RASGRP2: variants seen among roughly 807,000 people sequenced by gnomAD.
RASGRP2 encodes RAS guanyl-releasing protein 2.
Under a neutral mutation model 71.0 loss-of-function variants are expected in RASGRP2, and 44 were observed. That is an observed-to-expected ratio of 0.62 (90% CI 0.49 to 0.80). The LOEUF (loss-of-function observed/expected upper bound fraction) is 0.80, where lower values mean the gene tolerates loss of function less well. Ranked by LOEUF, RASGRP2 falls within the 30% of genes least tolerant of loss-of-function variation. RASGRP2 has a pLI of 0.00. For missense variants in RASGRP2, 663 were observed against 813.4 expected, an observed-to-expected ratio of 0.82 and a Z score of 2.25; for synonymous variants, 350 against 330.7, an observed-to-expected ratio of 1.06 and a Z score of -0.63.
chr11:64,730,101 C>G lies in RASGRP2; in HGVS notation c.1506G>C (p.Gln502His). 1 of 1,550,802 alleles carries G rather than the reference C, an allele frequency of 6.4e-7. No homozygotes were observed. The highest frequency in any genetic ancestry group is 1.2e-5 in the South Asian group (1 of 84,062). Residue 502 changes from glutamine to histidine, a missense_variant, in exon 13 of 17, where the codon CAG (glutamine) becomes CAC (histidine). By Grantham distance (24) the Gln-to-His change is conservative. Transcript: ENST00000394432. ...GGRMGFVHNFQESNSLRPVAC... is the reference protein window; with the variant it reads ...GGRMGFVHNFHESNSLRPVAC... ...CGACGGGGCGCAAGGAGTTGCTCTC[C>G]TGGAAGTTGTGTACGAAGCCCATGC... is the stretch of plus-strand genomic sequence containing the variant.
chr11:64,742,732 AG>A lies in RASGRP2; in HGVS notation c.73+61del. 6.4e-7 allele frequency: 1 copy of A among 1,557,690 alleles called. No individual in the cohort carries two copies. Among genetic ancestry groups the A allele is most frequent in the Non-Finnish European group, 8.7e-7 (1 of 1,150,836 alleles). The stretch of plus-strand genomic sequence containing the variant: ...GTGCCCTGGACTGTGCCTGGGAGGC[AG>A]GGACCCGGGCTCAGACTCGGGGCTA... On this transcript the variant is annotated intron_variant, in intron 2 of 16. Transcript: ENST00000394432. The surrounding 1 kb of genome is among the most constrained non-coding windows in gnomAD (Gnocchi z 4.7).
Position 64,735,138 on chromosome 11 carries a change from G to T in RASGRP2, c.1386C>A (p.Ser462Arg). 1.2e-6 allele frequency: 2 copies of T among 1,614,124 alleles called. No homozygotes were observed. Among genetic ancestry groups the T allele is most frequent in the Non-Finnish European group, 1.7e-6 (2 of 1,179,968 alleles). The change falls in exon 12 of 17, where the codon AGC becomes AGA. Residue 462 changes from serine (S) to arginine (R), a missense_variant. Physicochemically the swap from Ser to Arg is moderately radical, Grantham distance 110. Coordinates refer to ENST00000394432, the MANE Select transcript of RASGRP2 (RefSeq NM_001098671.2). This position sits in a 1 kb window ranked among gnomAD's most constrained non-coding sequence, Gnocchi z 4.2. ...GGTTCTGGTCGAGGTCCCCAAAGGC[G>T]CTGAGGTAAGGGAAGTTCCCACGGA... ...QIIRGNFPYL[S>R]AFGDLDQNQD...
At position 64,739,307 on chromosome 11, in the gene RASGRP2, G is replaced by T; in HGVS notation, c.813+53C>A. On this transcript the variant is annotated intron_variant, in intron 8 of 16. Transcript: ENST00000394432. This position sits in a 1 kb window ranked among gnomAD's most constrained non-coding sequence, Gnocchi z 4.2. Reference sequence around the variant, plus strand: ...GCCCAGCCCCCAGTGCTGCTGGGAGGACCCAGTGAAGACAGACCTGGGAAG... The same window carrying T: ...GCCCAGCCCCCAGTGCTGCTGGGAGTACCCAGTGAAGACAGACCTGGGAAG... 1 of 1,364,902 alleles carries T rather than the reference G, an allele frequency of 7.3e-7. No individual in the cohort carries two copies. The highest frequency in any genetic ancestry group is 1.2e-5 in the South Asian group (1 of 85,890). 84.5% of individuals were successfully genotyped at this position (1,364,902 alleles called of 1,614,324 possible). A position where few individuals can be genotyped will look rare whatever the true frequency, so the allele number is the denominator to read the frequency against.
upstream of RASGRP2, chr11:64,744,458 C>T (rs1290702699): frequency 1.2e-5 from 3 of 260,706 alleles, no homozygotes; most frequent in Non-Finnish European, 1.8e-5. Context: ...AATCACTTGG[C>T]CTCTGGGAGC....
chr11:64,736,227 G>A (rs1349424860), intron 9 of RASGRP2, among the ~76,000 whole-genome samples: 4 of 152,124 alleles, frequency 2.6e-5, no homozygotes, highest in Admixed American at 1.3e-4. Flanking sequence ...AAGCCAGGTC[G>A]GAACCCAGCC....
At chr11:64,736,687 C>T in intron 9 of RASGRP2, 66 bp downstream of exon 9, 2 of 1,523,118 alleles carry the variant, frequency 1.3e-6, no homozygotes, top group Non-Finnish European at 1.8e-6. Context: ...CGCCCACAGC[C>T]AGGACCTGGG....
Position 64,735,271 on chromosome 11 carries a change from TA to T in RASGRP2, c.1297-45del. ...CACGCAGAGCCAGAAGAGGGGAGAGTAAAGGGGACATCAGGTCCTGTCCCTT... is the reference window on the plus strand; with the variant it reads ...CACGCAGAGCCAGAAGAGGGGAGAGTAAGGGGACATCAGGTCCTGTCCCTT... On this transcript the variant is annotated intron_variant, in intron 11 of 16. Coordinates refer to ENST00000394432, the MANE Select transcript of RASGRP2 (RefSeq NM_001098671.2). The surrounding 1 kb of genome is among the most constrained non-coding windows in gnomAD (Gnocchi z 4.2). 1 of 1,492,768 alleles carries T rather than the reference TA, an allele frequency of 6.7e-7. No homozygotes were observed. The highest frequency in any genetic ancestry group is 9.3e-7 in the Non-Finnish European group (1 of 1,071,252). The allele number at this position is 1,492,768 out of a possible 1,614,324, so 92.5% of individuals were successfully genotyped here.
chr11:64,727,446 A>T (rs1295985421), intron 15 of RASGRP2, 86 bp from the exon 16 acceptor site: 1 of 1,267,510 alleles, frequency 7.9e-7, no homozygotes, highest in South Asian at 1.2e-5. Flanking sequence ...AGGCATCCAC[A>T]TCATCCCAGA....
chr11:64,738,064 G>A (rs1207089496), intron 8 of RASGRP2, among the ~76,000 whole-genome samples: 1 of 151,930 alleles, frequency 6.6e-6, no homozygotes, highest in African/African-American at 2.4e-5. Context: ...ATAAATAAAT[G>A]AATTGGGGTA....
rs201261111 is a variant in RASGRP2 at position 64,741,551 on chromosome 11, C to A, written c.177-50G>T. The A allele has an allele frequency of 9.5e-6, 14 of 1,472,660 alleles. 1 individual carries two copies. In the Admixed American group the frequency reaches 2.7e-4, roughly 29 times the overall value. The allele number at this position is 1,472,660 out of a possible 1,614,324, so 91.2% of individuals were successfully genotyped here. A position where few individuals can be genotyped will look rare whatever the true frequency, so the allele number is the denominator to read the frequency against. On this transcript the variant is annotated intron_variant, in intron 3 of 16. Transcript: ENST00000394432. Reference sequence around the variant, plus strand: ...GCTTAACTCTAGAAAGGGAGGCCTGCGTGGAGGGAGGCTGGGGGCGGGGCC... The same window carrying A: ...GCTTAACTCTAGAAAGGGAGGCCTGAGTGGAGGGAGGCTGGGGGCGGGGCC...
At chr11:64,741,109 C>A in intron 4 of RASGRP2, 30 bp from the exon 5 acceptor site, 1 of 1,608,778 alleles carries the variant, frequency 6.2e-7, no homozygotes, top group Non-Finnish European at 8.5e-7. Context: ...CCCAAGATAG[C>A]CCTTCCCCCA....
chr11:64,728,753 A>G, intron 15 of RASGRP2, 110 bp downstream of exon 15: 1 of 1,210,106 alleles, frequency 8.3e-7, no homozygotes, highest in Non-Finnish European at 1.1e-6. Flanking sequence ...TTATTATCCC[A>G]CCACAAAAAG....
chr11:64,738,740 CAT>C (rs2058025175), intron 8 of RASGRP2, among the ~76,000 whole-genome samples: 1 of 152,186 alleles, frequency 6.6e-6, no homozygotes, highest in Non-Finnish European at 1.5e-5. Flanking sequence ...CGCCCAGTCT[CAT>C]ATGTTTTTAT....
intron 15 of RASGRP2, 73 bp from the exon 16 acceptor site, chr11:64,727,433 G>T: frequency 7.0e-7 from 1 of 1,427,236 alleles, no homozygotes; most frequent in South Asian, 1.2e-5. Context: ...CCCTCTCCAC[G>T]GGAGGCATCC....
rs1258017601 is a variant in RASGRP2, at chr11:64,735,944, A to G, written c.1132T>C (p.Tyr378His). The G allele has an allele frequency of 6.2e-7, 1 of 1,614,012 alleles. No homozygotes were observed. The change falls in exon 10 of 17, where the codon TAC becomes CAC. Residue 378 changes from tyrosine to histidine, a missense_variant. Transcript: ENST00000394432. The surrounding 1 kb of genome is among the most constrained non-coding windows in gnomAD (Gnocchi z 4.2). ...LDQYQTEDEL[Y>H]QLSLQREPRS... is the part of the protein sequence containing the mutation. ...GGCTCCCGCTGCAGGGACAGCTGGT[A>G]CAGCTCATCCTCCGTCTGATACTGA...
chr11:64,740,697 C>T, intron 5 of RASGRP2: 2 of 657,690 alleles, frequency 3.0e-6, no homozygotes, highest in Non-Finnish European at 5.5e-6. Context: ...GACTCGAGAG[C>T]TCAGCCGACG....
chr11:64,738,050 AT>A (rs2058004993), intron 8 of RASGRP2, among the ~76,000 whole-genome samples: 1 of 152,212 alleles, frequency 6.6e-6, no homozygotes, highest in African/African-American at 2.4e-5. Flanking sequence ...TCTCAAAAAA[AT>A]AAATAAATAA....
rs1199182987 is a variant in RASGRP2, at chr11:64,739,895, G to A, written c.523-86C>T. ...CCTCACCCTCCAGCTGACCTTCAGTGGTTACACTGAAACCCCTGATGCACC... is the reference window on the plus strand; with the variant it reads ...CCTCACCCTCCAGCTGACCTTCAGTAGTTACACTGAAACCCCTGATGCACC... On this transcript the variant is annotated intron_variant, in intron 6 of 16. Coordinates refer to ENST00000394432, the MANE Select transcript of RASGRP2 (RefSeq NM_001098671.2). This position sits in a 1 kb window ranked among gnomAD's most constrained non-coding sequence, Gnocchi z 4.2. The A allele has an allele frequency of 2.5e-6, 4 of 1,607,646 alleles. No homozygotes were observed. Among genetic ancestry groups the A allele is most frequent in the African/African-American group, 2.7e-5 (2 of 74,764 alleles).
chr11:64,740,058 C>T lies in RASGRP2; in HGVS notation c.477G>A (p.Ala159=), dbSNP rs1166504116. 12 of 1,614,020 alleles carry T rather than the reference C, an allele frequency of 7.4e-6. No homozygotes were observed. Among genetic ancestry groups the T allele is most frequent in the African/African-American group, 1.3e-5 (1 of 74,894 alleles). The change falls in exon 6 of 17, where the codon GCG becomes GCA. Residue 159 remains alanine, a synonymous_variant. Transcript: ENST00000394432. ...LFDHLEPMEL[A]EHLTYLEYRS... The stretch of plus-strand genomic sequence containing the variant: ...GATACTCCAAGTAGGTGAGATGCTC[C>T]GCCAGCTCCATGGGCTCCAGGTGGT...
Sources: allele counts gnomAD v4.1 joint callset (sites outside exome capture counted in the v4.1 genomes callset), GRCh38; gene constraint gnomAD v4.1.1; non-coding constraint Gnocchi (gnomAD v3.1); transcripts MANE v1.5; gene names NCBI Gene and HGNC (gene_info 2026-07-23, HGNC 2026-07-21).